Variants in RPGRIP1 observed in about 807,000 individuals in gnomAD.
RPGRIP1 encodes the protein RPGR interacting protein 1, also known as X-linked retinitis pigmentosa GTPase regulator-interacting protein 1.
Under a neutral mutation model 157.9 loss-of-function variants are expected in RPGRIP1, and 128 were observed. The ratio of observed to expected loss-of-function variants is 0.81; its 90% CI spans 0.70 to 0.94. The LOEUF (loss-of-function observed/expected upper bound fraction) is 0.94, where lower values mean the gene tolerates loss of function less well. Ranked by LOEUF, RPGRIP1 falls within the 40% of genes least tolerant of loss-of-function variation. RPGRIP1 has a pLI of 0.00. For synonymous variants in RPGRIP1, 554 were observed against 571.6 expected, an observed-to-expected ratio of 0.97 and a Z score of 0.44; for missense variants, 1,486 against 1,545.8, an observed-to-expected ratio of 0.96 and a Z score of 0.65.
rs539108376 is a variant in RPGRIP1, at chr14:21,319,211, C to T, written c.1307-806C>T. Among the ~76,000 whole-genome samples the T allele has an allele frequency of 3.3e-5, 5 of 152,262 alleles. No homozygotes were observed. In the East Asian group the frequency reaches 9.6e-4, roughly 29 times the overall value. ...AGGGCAATCTAATTTAATCCCTTCT[C>T]TAATGCATGATGGAAATGATCTGCT... is the stretch of plus-strand genomic sequence containing the variant. On this transcript the variant is annotated intron_variant, in intron 11 of 24. Transcript: ENST00000400017.
At chr14:21,323,290 C>T (rs1371692087) in intron 14 of RPGRIP1, among the ~76,000 whole-genome samples, 1 of 152,086 alleles carries the variant, frequency 6.6e-6, no homozygotes, top group African/African-American at 2.4e-5. Context: ...GGCATGGTGG[C>T]GGGCACCTGT....
intron 1 of RPGRIP1, among the ~76,000 whole-genome samples, chr14:21,287,223 C>A (rs1340724914): frequency 3.3e-5 from 5 of 152,146 alleles, no homozygotes; most frequent in Non-Finnish European, 7.3e-5. Flanking sequence ...CATGGCAAAA[C>A]CCTATCTCTA....
chr14:21,337,432 G>A (rs1294782376), intron 21 of RPGRIP1, among the ~76,000 whole-genome samples: 1 of 139,086 alleles, frequency 7.2e-6, no homozygotes, highest in African/African-American at 2.8e-5. Flanking sequence ...AGTTCTCAAT[G>A]TTAAGCTTTT....
chr14:21,281,878 A>T (rs1880144383), intron 1 of RPGRIP1, among the ~76,000 whole-genome samples: 1 of 151,758 alleles, frequency 6.6e-6, no homozygotes. Flanking sequence ...GCGGATCCCA[A>T]GGTCCGGAGT....
intron 3 of RPGRIP1, among the ~76,000 whole-genome samples, chr14:21,298,505 G>A (rs986017911): frequency 7.9e-5 from 12 of 151,910 alleles, no homozygotes; most frequent in African/African-American, 2.7e-4. Context: ...GTCTCAAAAC[G>A]AAAACAAAAA....
intron 6 of RPGRIP1, among the ~76,000 whole-genome samples, chr14:21,305,691 T>C (rs1463101918): frequency 1.3e-5 from 2 of 152,078 alleles, no homozygotes; most frequent in Non-Finnish European, 2.9e-5. Flanking sequence ...TGAATCCCCA[T>C]CTTTACTGAA....
chr14:21,325,867 T>C lies in RPGRIP1; in HGVS notation c.2404T>C (p.Trp802Arg). The change falls in exon 17 of 25, where the codon TGG becomes CGG. Residue 802 changes from tryptophan to arginine, a missense_variant. By Grantham distance (101) the Trp-to-Arg change is moderately radical. Coordinates refer to ENST00000400017, the MANE Select transcript of RPGRIP1 (RefSeq NM_020366.4). ...GTCTTGGGAACCTCAGAACGAGCTGTGGATTGAAATCACCAAGTGCTGTGG... is the reference window on the plus strand; with the variant it reads ...GTCTTGGGAACCTCAGAACGAGCTGCGGATTGAAATCACCAAGTGCTGTGG... ...SESWEPQNELWIEITKCCGLR... is the reference protein window; with the variant it reads ...SESWEPQNELRIEITKCCGLR... 6.2e-7 allele frequency: 1 copy of C among 1,613,766 alleles called. No homozygotes were observed. The highest frequency in any genetic ancestry group is 8.5e-7 in the Non-Finnish European group (1 of 1,179,670).
intron 21 of RPGRIP1, among the ~76,000 whole-genome samples, chr14:21,334,993 C>T (rs2139290507): frequency 6.9e-6 from 1 of 144,488 alleles, no homozygotes; most frequent in East Asian, 2.0e-4. Context: ...TTGCAGTGAG[C>T]CAAGATCACG....
At chr14:21,340,553 G>C (rs1325076919) in intron 21 of RPGRIP1, among the ~76,000 whole-genome samples, 1 of 152,174 alleles carries the variant, frequency 6.6e-6, no homozygotes, top group Non-Finnish European at 1.5e-5. Context: ...TACTCAGGAG[G>C]CTGGGGCAGG....
chr14:21,337,649 C>T (rs1420107314), intron 21 of RPGRIP1, among the ~76,000 whole-genome samples: 2 of 151,458 alleles, frequency 1.3e-5, no homozygotes, highest in African/African-American at 4.9e-5. Context: ...ACTATGTTGG[C>T]CAGGCTGGTC....
chr14:21,329,204 A>G (rs932889052), intron 19 of RPGRIP1, among the ~76,000 whole-genome samples: 10 of 151,302 alleles, frequency 6.6e-5, no homozygotes, highest in Admixed American at 5.9e-4. Context: ...AATCCCAGCT[A>G]CTCAGTCGGG....
chr14:21,342,504 A>G (rs1290322200), intron 21 of RPGRIP1, among the ~76,000 whole-genome samples: 1 of 151,710 alleles, frequency 6.6e-6, no homozygotes, highest in Non-Finnish European at 1.5e-5. Context: ...TGATCACACA[A>G]CTGCCCTCCA....
At chr14:21,346,316 G>A (rs1885564652) in intron 23 of RPGRIP1, among the ~76,000 whole-genome samples, 1 of 152,144 alleles carries the variant, frequency 6.6e-6, no homozygotes, top group Non-Finnish European at 1.5e-5. Flanking sequence ...TTGGGAGGCT[G>A]AGGCGGGCAG....
At chr14:21,303,666 T>A in intron 6 of RPGRIP1, 123 bp downstream of exon 6, 3 of 738,716 alleles carry the variant, frequency 4.1e-6, no homozygotes, top group Non-Finnish European at 6.7e-6. Context: ...ATCGGAGTAG[T>A]AGACACGGAG....
At chr14:21,317,993 T>A in intron 11 of RPGRIP1, 143 bp downstream of exon 11, 1 of 714,506 alleles carries the variant, frequency 1.4e-6, no homozygotes, top group Non-Finnish European at 2.5e-6. Context: ...ATGAGAACAC[T>A]AGCAATAGAT....
chr14:21,344,194 G>A (rs529575159), intron 22 of RPGRIP1, among the ~76,000 whole-genome samples: 1 of 151,810 alleles, frequency 6.6e-6, no homozygotes, highest in South Asian at 2.1e-4. Context: ...TTATGGATAT[G>A]TAAATATTAA....
intron 3 of RPGRIP1, among the ~76,000 whole-genome samples, chr14:21,298,306 C>T (rs910501125): frequency 6.6e-6 from 1 of 151,960 alleles, no homozygotes; most frequent in African/African-American, 2.4e-5. Context: ...CAGAGACCAG[C>T]CTGGCCAACG....
Position 21,317,843 on chromosome 14 carries a change from G to T in RPGRIP1, c.1299G>T (p.Arg433Ser), listed in dbSNP as rs780261911. The change falls in exon 11 of 25, where the codon AGG becomes AGT. Residue 433 changes from arginine (R) to serine (S), a missense_variant. Coordinates refer to ENST00000400017, the MANE Select transcript of RPGRIP1 (RefSeq NM_020366.4). ...DKRKVLLELS[R>S]EKAQNEDLKL... Reference sequence around the variant, plus strand: ...GAAAAGTTTTACTTGAGCTGTCCAGGGAGAAAGGTAGGCTGGACCTTGAAG... The same window carrying T: ...GAAAAGTTTTACTTGAGCTGTCCAGTGAGAAAGGTAGGCTGGACCTTGAAG... 6.2e-7 allele frequency: 1 copy of T among 1,604,724 alleles called. No homozygotes were observed. Among genetic ancestry groups the T allele is most frequent in the Non-Finnish European group, 8.5e-7 (1 of 1,175,216 alleles).
intron 24 of RPGRIP1, among the ~76,000 whole-genome samples, chr14:21,350,822 C>G (rs1176846390): frequency 6.6e-6 from 1 of 152,146 alleles, no homozygotes; most frequent in Non-Finnish European, 1.5e-5. Context: ...TGTATGTGCA[C>G]AGGGAAAATC....
Sources: allele counts gnomAD v4.1 joint callset (sites outside exome capture counted in the v4.1 genomes callset), GRCh38; gene constraint gnomAD v4.1.1; transcripts MANE v1.5; gene names NCBI Gene and HGNC (gene_info 2026-07-23, HGNC 2026-07-21).